Variants in PPP1CB observed in about 807,000 individuals in gnomAD.
The protein encoded by PPP1CB is serine/threonine-protein phosphatase PP1-beta catalytic subunit.
In PPP1CB, 2 loss-of-function variants were observed where a neutral mutation model predicts 43.7. The ratio of observed to expected loss-of-function variants is 0.05; its 90% CI spans 0.02 to 0.14. PPP1CB has a LOEUF of 0.14. Ranked by LOEUF, PPP1CB falls within the 10% of genes least tolerant of loss-of-function variation. The probability of loss-of-function intolerance (pLI) is 1.00; values close to 1 mark genes in which losing one functional copy is unlikely to be tolerated. For synonymous variants in PPP1CB, 136 were observed against 135.6 expected, an observed-to-expected ratio of 1.00 and a Z score of -0.02; for missense variants, 84 against 398.0, an observed-to-expected ratio of 0.21 and a Z score of 6.71.
intron 3 of PPP1CB, among the ~76,000 whole-genome samples, chr2:28,781,463 T>G (rs1306246324): frequency 6.6e-6 from 1 of 152,182 alleles, no homozygotes; most frequent in Non-Finnish European, 1.5e-5. Flanking sequence ...AACTGATACT[T>G]TGTATTCTTT....
At chr2:28,758,800 C>T (rs114228459) in intron 1 of PPP1CB, among the ~76,000 whole-genome samples, 17 of 152,344 alleles carry the variant, frequency 1.1e-4, no homozygotes, top group Non-Finnish European at 2.1e-4. Flanking sequence ...AATTTACCTG[C>T]ATCTGTGCAA....
In PPP1CB at chr2:28,769,207, G is replaced by C. The variant is rs561155287; in HGVS notation, c.53-7644G>C. On this transcript the variant is annotated intron_variant, in intron 1 of 7. Transcript: ENST00000395366. ...ACAATAGAATGGTGTTCTCTTTAAA[G>C]CACTGAAAGAAAAAAAATGACAACC... is the stretch of plus-strand genomic sequence containing the variant. Among the ~76,000 whole-genome samples the C allele has an allele frequency of 2.6e-5, 4 of 152,230 alleles. No homozygotes were observed. In the East Asian group the frequency reaches 7.7e-4, roughly 29 times the overall value.
rs150304249 is a variant in PPP1CB, at chr2:28,763,956, C to T, written c.52+11780C>T. Among the ~76,000 whole-genome samples, 863 of 152,058 alleles carry T rather than the reference C, an allele frequency of 5.7e-3. 3 individuals are homozygous for T. The highest frequency in any genetic ancestry group is 0.027 in the Middle Eastern group (8 of 294). Reference sequence around the variant, plus strand: ...GACCTCCTGATCCGCCCACCTTAGCCTCCCAGAATGCTGGGATTACAGGCA... The same window carrying T: ...GACCTCCTGATCCGCCCACCTTAGCTTCCCAGAATGCTGGGATTACAGGCA... On this transcript the variant is annotated intron_variant, in intron 1 of 7. Coordinates refer to ENST00000395366, the MANE Select transcript of PPP1CB (RefSeq NM_002709.3).
intron 1 of PPP1CB, among the ~76,000 whole-genome samples, chr2:28,753,986 T>C (rs1036073051): frequency 2.0e-4 from 30 of 152,324 alleles, no homozygotes; most frequent in African/African-American, 7.0e-4. Context: ...TCCACCCGCT[T>C]CAGCCTCCCA....
rs116183638 is a variant in PPP1CB at position 28,777,312 on chromosome 2, A to C, written c.184+330A>C. ...AATGGCCAGTAAACATAAGGACGTCAGCTTCTTTTTTTAGTAATCAGTGAT... is the reference window on the plus strand; with the variant it reads ...AATGGCCAGTAAACATAAGGACGTCCGCTTCTTTTTTTAGTAATCAGTGAT... On this transcript the variant is annotated intron_variant, in intron 2 of 7. Coordinates refer to ENST00000395366, the MANE Select transcript of PPP1CB (RefSeq NM_002709.3). 0.013 allele frequency: 2,052 copies of C among 158,154 alleles called. 20 individuals are homozygous for C. The highest frequency in any genetic ancestry group is 0.044 in the South Asian group (230 of 5,190). The allele number at this position is 158,154 out of a possible 1,614,324, so 9.8% of individuals were successfully genotyped here.
chr2:28,752,657 A>G (rs1215876501), intron 1 of PPP1CB, among the ~76,000 whole-genome samples: 2 of 152,210 alleles, frequency 1.3e-5, no homozygotes, highest in African/African-American at 2.4e-5. Flanking sequence ...TATATATATA[A>G]ACCTGTCCTT....
chr2:28,797,107 C>T (rs1303010018), intron 7 of PPP1CB, among the ~76,000 whole-genome samples: 1 of 152,040 alleles, frequency 6.6e-6, no homozygotes, highest in East Asian at 1.9e-4. Flanking sequence ...AAACCTTGCA[C>T]CCCAGGAATA....
intron 1 of PPP1CB, among the ~76,000 whole-genome samples, chr2:28,775,296 A>G (rs1667012307): frequency 6.6e-6 from 1 of 152,088 alleles, no homozygotes; most frequent in South Asian, 2.1e-4. Flanking sequence ...TTGGGTAGAG[A>G]TGGGGTTTCA....
Position 28,799,330 on chromosome 2 carries a change from C to A in PPP1CB, c.*27C>A. Reference sequence around the variant, plus strand: ...GAAAGGAATTCTGTAAAGAAACCATCAGATTTGTTAAGGACATACTTCATA... The same window carrying A: ...GAAAGGAATTCTGTAAAGAAACCATAAGATTTGTTAAGGACATACTTCATA... On this transcript the variant is annotated 3_prime_UTR_variant, in exon 8 of 8. Transcript: ENST00000395366. 1.3e-6 allele frequency: 2 copies of A among 1,529,188 alleles called. No individual in the cohort carries two copies. Among genetic ancestry groups the A allele is most frequent in the Non-Finnish European group, 1.8e-6 (2 of 1,103,670 alleles). The allele number at this position is 1,529,188 out of a possible 1,614,324, so 94.7% of individuals were successfully genotyped here. A position where few individuals can be genotyped will look rare whatever the true frequency, so the allele number is the denominator to read the frequency against.
At chr2:28,780,388 G>T (rs1036326452) in intron 3 of PPP1CB, among the ~76,000 whole-genome samples, 1 of 152,116 alleles carries the variant, frequency 6.6e-6, no homozygotes, top group Non-Finnish European at 1.5e-5. Context: ...ACGGCGCCCA[G>T]CCATGAGCTT....
chr2:28,767,756 G>GA (rs1441544141), intron 1 of PPP1CB, among the ~76,000 whole-genome samples: 3 of 152,180 alleles, frequency 2.0e-5, no homozygotes, highest in Admixed American at 2.0e-4. Context: ...ATATGTCACA[G>GA]AGGATTCTTT....
chr2:28,783,806 C>A, intron 4 of PPP1CB, 101 bp from the exon 5 acceptor site: 3 of 747,648 alleles, frequency 4.0e-6, no homozygotes, highest in African/African-American at 1.8e-5. Context: ...TCTTTAATTT[C>A]ACATAGTGAA....
At chr2:28,788,326 G>A (rs1193673106) in intron 5 of PPP1CB, among the ~76,000 whole-genome samples, 2 of 152,194 alleles carry the variant, frequency 1.3e-5, no homozygotes, top group East Asian at 1.9e-4. Flanking sequence ...ATACCACTGG[G>A]TTGTTTGGTT....
chr2:28,764,392 A>G (rs1666733549), intron 1 of PPP1CB, among the ~76,000 whole-genome samples: 1 of 151,244 alleles, frequency 6.6e-6, no homozygotes, highest in African/African-American at 2.4e-5. Context: ...CCCGGGAGGC[A>G]GAGCTTGCAG....
chr2:28,758,516 T>C (rs997985973), intron 1 of PPP1CB, among the ~76,000 whole-genome samples: 1 of 152,184 alleles, frequency 6.6e-6, no homozygotes, highest in African/African-American at 2.4e-5. Flanking sequence ...TGGATACAGA[T>C]TGATACCCTT....
chr2:28,753,971 C>A (rs1469517332), intron 1 of PPP1CB, among the ~76,000 whole-genome samples: 1 of 152,078 alleles, frequency 6.6e-6, no homozygotes, highest in Non-Finnish European at 1.5e-5. Flanking sequence ...CTCCTGACCT[C>A]GTGATCCACC....
chr2:28,785,028 G>T (rs1267956722), intron 5 of PPP1CB, among the ~76,000 whole-genome samples: 1 of 134,600 alleles, frequency 7.4e-6, no homozygotes, highest in African/African-American at 2.8e-5. Flanking sequence ...CAGTAGCCAT[G>T]TAATACACTG....
At chr2:28,759,164 A>G (rs6547874) in intron 1 of PPP1CB, among the ~76,000 whole-genome samples, 77,523 of 152,000 alleles carry the variant, frequency 0.51, 20,469 homozygotes, top group Middle Eastern at 0.61. Flanking sequence ...TCATAGTGCA[A>G]TGCATTACTC....
intron 1 of PPP1CB, 27 bp from the exon 2 acceptor site, chr2:28,776,824 C>CA (rs781570307): frequency 6.4e-7 from 1 of 1,573,074 alleles, no homozygotes; most frequent in South Asian, 1.2e-5. Flanking sequence ...TTTTAGAAAA[C>CA]TGACTGTTTT....
Sources: allele counts gnomAD v4.1 joint callset (sites outside exome capture counted in the v4.1 genomes callset), GRCh38; gene constraint gnomAD v4.1.1; transcripts MANE v1.5; gene names NCBI Gene and HGNC (gene_info 2026-07-23, HGNC 2026-07-21).